PRKCB: variants seen among roughly 807,000 people sequenced by gnomAD.
PRKCB encodes the protein protein kinase C beta type.
PRKCB carries 13 observed loss-of-function variants against 81.5 expected under a neutral mutation model. That is an observed-to-expected ratio of 0.16 (90% confidence interval 0.10 to 0.25). The LOEUF is 0.25. Ranked by LOEUF, PRKCB falls within the 10% of genes least tolerant of loss-of-function variation. PRKCB has a pLI of 1.00. For missense variants in PRKCB, 509 were observed against 875.7 expected (o/e 0.58, Z 5.29); for synonymous variants, 335 against 321.4 (o/e 1.04, Z -0.45).
At chr16:24,002,776 G>A (rs1965056680) in intron 3 of PRKCB, among the ~76,000 whole-genome samples, 1 of 152,152 alleles carries the variant, frequency 6.6e-6, no homozygotes, top group Non-Finnish European at 1.5e-5. Flanking sequence ...GGGGATGGGA[G>A]ACATTGGTGG....
intron 5 of PRKCB, among the ~76,000 whole-genome samples, chr16:24,060,348 G>A (rs932665471): frequency 6.6e-6 from 1 of 152,096 alleles, no homozygotes; most frequent in Non-Finnish European, 1.5e-5. Context: ...GCATAATGAG[G>A]GGTTAGTTAG....
rs545046081 is a variant in PRKCB, at chr16:24,121,801, G to A, written c.919-2034G>A. On this transcript the variant is annotated intron_variant, in intron 8 of 16. Transcript: ENST00000643927. The stretch of plus-strand genomic sequence containing the variant: ...ACAATAATAATAGCTACCATTCACT[G>A]AGCATGTGTTGTGTGCCAGGAATGA... Among the ~76,000 whole-genome samples, 19 of 152,272 alleles carry A rather than the reference G, an allele frequency of 1.2e-4. No individual in the cohort carries two copies. In the South Asian group the frequency reaches 3.5e-3, roughly 28 times the overall value.
At chr16:23,865,265 T>TTGTGTGTG (rs57426992) in intron 2 of PRKCB, among the ~76,000 whole-genome samples, 1 of 129,152 alleles carries the variant, frequency 7.7e-6, no homozygotes, top group African/African-American at 2.9e-5. Context: ...TCTGTTTTGT[T>TTGTGTGTG]TGTGTGTGTG....
At chr16:23,958,568 G>T (rs917220512) in intron 2 of PRKCB, among the ~76,000 whole-genome samples, 1 of 150,176 alleles carries the variant, frequency 6.7e-6, no homozygotes. Flanking sequence ...CTCCCAATGT[G>T]CTGGGATTAC....
chr16:23,844,538 GCT>G (rs1962330603), intron 2 of PRKCB, among the ~76,000 whole-genome samples: 1 of 152,050 alleles, frequency 6.6e-6, no homozygotes, highest in African/African-American at 2.4e-5. Flanking sequence ...ACGGAGTCTT[GCT>G]CTGTCGCCCA....
At chr16:24,055,948 A>G (rs1454028352) in intron 5 of PRKCB, among the ~76,000 whole-genome samples, 1 of 152,194 alleles carries the variant, frequency 6.6e-6, no homozygotes, top group African/African-American at 2.4e-5. Context: ...TCCATTGACA[A>G]AAGGGGAAAC....
chr16:24,204,820 T>C lies in PRKCB; in HGVS notation c.1864-9838T>C, dbSNP rs79356628. 8.8e-3 allele frequency among the ~76,000 whole-genome samples: 1,345 copies of C among 152,208 alleles called. 30 individuals are homozygous for C. The highest frequency in any genetic ancestry group is 0.031 in the African/African-American group (1,301 of 41,540). ...GGCGGGATTAAGAAGGATTCTTTTG[T>C]GTGTTTTAAAATTTTTTATGGCCAG... On this transcript the variant is annotated intron_variant, in intron 16 of 16. Coordinates refer to ENST00000643927, the MANE Select transcript of PRKCB (RefSeq NM_002738.7).
chr16:24,082,779 T>A (rs1966266496), intron 5 of PRKCB, among the ~76,000 whole-genome samples: 1 of 151,984 alleles, frequency 6.6e-6, no homozygotes, highest in Non-Finnish European at 1.5e-5. Context: ...CTTTATGACC[T>A]GTAGTTATAC....
chr16:23,995,979 T>G (rs1414428915), intron 3 of PRKCB, among the ~76,000 whole-genome samples: 1 of 130,760 alleles, frequency 7.6e-6, no homozygotes. Flanking sequence ...TGGGCAGAAC[T>G]TTGAGCAGTG....
chr16:23,877,489 C>A (rs1597223315), intron 2 of PRKCB, among the ~76,000 whole-genome samples: 1 of 152,146 alleles, frequency 6.6e-6, no homozygotes, highest in East Asian at 1.9e-4. Context: ...TAAGACTCCC[C>A]AAGAGTAGAT....
At chr16:23,908,205 G>A (rs1055050978) in intron 2 of PRKCB, among the ~76,000 whole-genome samples, 3 of 152,200 alleles carry the variant, frequency 2.0e-5, no homozygotes, top group East Asian at 1.9e-4. Context: ...GAGCTGGGGC[G>A]GCGGGGATTC....
intron 2 of PRKCB, among the ~76,000 whole-genome samples, chr16:23,924,759 C>G (rs576011663): frequency 7.9e-5 from 12 of 151,902 alleles, no homozygotes; most frequent in Non-Finnish European, 1.3e-4. Context: ...GTTCTCACTA[C>G]GAAAAAATGC....
In PRKCB at chr16:23,913,614, T is replaced by A. The variant is rs1329178252; in HGVS notation, c.206-74894T>A. Among the ~76,000 whole-genome samples the A allele has an allele frequency of 3.7e-4, 56 of 152,234 alleles. 1 individual carries two copies. Among genetic ancestry groups the A allele is most frequent in the Admixed American group, 3.7e-3 (56 of 15,288 alleles). ...ATGGTTAACATCAGACTAGCTAGCC[T>A]TGAAAGCTTGAGTCTGAACGGTGAT... On this transcript the variant is annotated intron_variant, in intron 2 of 16. Coordinates refer to ENST00000643927, the MANE Select transcript of PRKCB (RefSeq NM_002738.7).
intron 9 of PRKCB, among the ~76,000 whole-genome samples, chr16:24,126,092 A>T (rs1270339126): frequency 6.6e-6 from 1 of 152,230 alleles, no homozygotes; most frequent in African/African-American, 2.4e-5. Context: ...TCCACTGCAG[A>T]TCCACAGAGC....
intron 2 of PRKCB, among the ~76,000 whole-genome samples, chr16:23,978,072 A>C (rs1292367427): frequency 6.6e-6 from 1 of 152,234 alleles, no homozygotes; most frequent in Non-Finnish European, 1.5e-5. Context: ...ATTTTAACAC[A>C]GAAATTCATA....
At chr16:24,132,040 C>T (rs944007333) in intron 9 of PRKCB, among the ~76,000 whole-genome samples, 1 of 152,170 alleles carries the variant, frequency 6.6e-6, no homozygotes, top group Non-Finnish European at 1.5e-5. Context: ...AAAAATCTTT[C>T]GTGTGATCTT....
At chr16:24,154,294 T>A (rs374747) in intron 9 of PRKCB, among the ~76,000 whole-genome samples, 1 of 151,976 alleles carries the variant, frequency 6.6e-6, no homozygotes, top group Non-Finnish European at 1.5e-5. Context: ...CTGGGCAACA[T>A]AGTGAGACCT....
intron 7 of PRKCB, among the ~76,000 whole-genome samples, chr16:24,110,811 C>A (rs1966667137): frequency 6.6e-6 from 1 of 152,078 alleles, no homozygotes; most frequent in African/African-American, 2.4e-5. Flanking sequence ...TGAGCCACCA[C>A]GACGACCTGT....
intron 2 of PRKCB, among the ~76,000 whole-genome samples, chr16:23,931,032 C>A (rs953737823): frequency 1.3e-5 from 2 of 152,206 alleles, no homozygotes; most frequent in South Asian, 2.1e-4. Context: ...ATGGGCTTAT[C>A]CCCTGGAGCA....
Sources: gnomAD v4.1 joint callset for allele counts (sites outside exome capture counted in the v4.1 genomes callset) on GRCh38, gnomAD v4.1.1 for gene constraint, MANE v1.5 for transcripts, NCBI Gene and HGNC (gene_info 2026-07-23, HGNC 2026-07-21) for gene names.